PIK3C2G: variants seen among roughly 807,000 people sequenced by gnomAD.
The protein encoded by PIK3C2G is phosphatidylinositol-4-phosphate 3-kinase catalytic subunit type 2 gamma, also known as phosphatidylinositol 3-kinase C2 domain-containing subunit gamma.
PIK3C2G carries 168 observed loss-of-function variants against 181.1 expected under a neutral mutation model. The ratio of observed to expected loss-of-function variants is 0.93; its 90% CI spans 0.82 to 1.05. The LOEUF (loss-of-function observed/expected upper bound fraction) is 1.05, where lower values mean the gene tolerates loss of function less well. PIK3C2G is among the 50% of genes least tolerant of loss of function. PIK3C2G has a pLI of 0.00. For synonymous variants in PIK3C2G, 573 were observed against 592.2 expected (o/e 0.97, Z 0.47); for missense variants, 1,869 against 1,732.8 (o/e 1.08, Z -1.40).
intron 29 of PIK3C2G, among the ~76,000 whole-genome samples, chr12:18,593,740 T>C (rs1947206743): frequency 6.6e-6 from 1 of 151,904 alleles, no homozygotes. Flanking sequence ...TCAGGTTAAA[T>C]GTCAATTTGT....
At chr12:18,299,845 G>A (rs1950103976) in intron 5 of PIK3C2G, among the ~76,000 whole-genome samples, 1 of 151,776 alleles carries the variant, frequency 6.6e-6, no homozygotes, top group Non-Finnish European at 1.5e-5. Flanking sequence ...ATATTGATTT[G>A]CATATGTTGG....
At chr12:18,281,935 C>A in intron 1 of PIK3C2G, 69 bp from the exon 2 acceptor site, 1 of 604,596 alleles carries the variant, frequency 1.7e-6, no homozygotes, top group Non-Finnish European at 3.0e-6. Context: ...GTTATTTATC[C>A]TATATCTGTC....
chr12:18,324,923 C>A, intron 7 of PIK3C2G, 112 bp from the exon 8 acceptor site: 1 of 575,954 alleles, frequency 1.7e-6, no homozygotes, highest in South Asian at 2.5e-5. Context: ...CTTTTTATAC[C>A]ATGCCTACGA....
intron 14 of PIK3C2G, among the ~76,000 whole-genome samples, chr12:18,382,498 T>C (rs1350308800): frequency 2.0e-5 from 3 of 152,200 alleles, no homozygotes; most frequent in African/African-American, 4.8e-5. Context: ...CACAGTCTCA[T>C]ACACGGAAAT....
intron 18 of PIK3C2G, among the ~76,000 whole-genome samples, chr12:18,447,370 T>C (rs573353159): frequency 6.6e-6 from 1 of 152,322 alleles, no homozygotes; most frequent in African/African-American, 2.4e-5. Context: ...GGTTATCTTG[T>C]GACAGAACAC....
chr12:18,333,209 C>G (rs1938162487), intron 8 of PIK3C2G, among the ~76,000 whole-genome samples: 1 of 151,986 alleles, frequency 6.6e-6, no homozygotes, highest in Non-Finnish European at 1.5e-5. Flanking sequence ...CAGCGGGGTT[C>G]AGAAAAAGTT....
intron 9 of PIK3C2G, among the ~76,000 whole-genome samples, chr12:18,339,603 C>A (rs1410079889): frequency 6.6e-6 from 1 of 152,020 alleles, no homozygotes; most frequent in African/African-American, 2.4e-5. Flanking sequence ...TTGAAATTTT[C>A]AAAAGACTGA....
At chr12:18,480,099 G>A (rs921181211) in intron 18 of PIK3C2G, among the ~76,000 whole-genome samples, 1 of 152,116 alleles carries the variant, frequency 6.6e-6, no homozygotes, top group Non-Finnish European at 1.5e-5. Context: ...TGGGGATCAG[G>A]AAAGGAGAAA....
At chr12:18,522,993 G>A (rs1943012783) in intron 24 of PIK3C2G, among the ~76,000 whole-genome samples, 1 of 151,640 alleles carries the variant, frequency 6.6e-6, no homozygotes, top group Admixed American at 6.6e-5. Context: ...TGTGCTCACT[G>A]TTTTTTTCTT....
At chr12:18,520,932 C>A (rs987884238) in intron 24 of PIK3C2G, among the ~76,000 whole-genome samples, 7 of 151,998 alleles carry the variant, frequency 4.6e-5, no homozygotes, top group East Asian at 1.9e-4. Context: ...TTTGTGGGGA[C>A]CTTTTTTGTT....
At chr12:18,705,234 C>G in the PIK3C2G span, 1 of 1,613,946 alleles carries the variant, frequency 6.2e-7, no homozygotes, top group African/African-American at 1.3e-5. Context: ...CCAAAAGTAG[C>G]CTGCAAATTG....
chr12:18,631,398 T>C (rs902064955), intron 31 of PIK3C2G, among the ~76,000 whole-genome samples: 2 of 152,180 alleles, frequency 1.3e-5, no homozygotes, highest in Non-Finnish European at 2.9e-5. Flanking sequence ...CACTAATAAC[T>C]TAGAAATAGA....
chr12:18,294,611 TA>T (rs960496934), intron 5 of PIK3C2G, among the ~76,000 whole-genome samples: 5 of 151,504 alleles, frequency 3.3e-5, no homozygotes, highest in South Asian at 2.1e-4. Context: ...ACTTATTTGA[TA>T]AAAAAAAATC....
chr12:18,643,947 T>C (rs1949981608), intron 32 of PIK3C2G, among the ~76,000 whole-genome samples: 1 of 151,978 alleles, frequency 6.6e-6, no homozygotes, highest in Non-Finnish European at 1.5e-5. Context: ...CTCAGAGGAG[T>C]ACAAAGAAGA....
At chr12:18,546,732 T>G (rs1016263796) in intron 26 of PIK3C2G, among the ~76,000 whole-genome samples, 5 of 152,062 alleles carry the variant, frequency 3.3e-5, no homozygotes, top group Non-Finnish European at 2.9e-5. Flanking sequence ...TTGTTCTACT[T>G]GAACTATGTC....
intron 26 of PIK3C2G, among the ~76,000 whole-genome samples, chr12:18,555,487 C>A (rs1411752980): frequency 3.9e-5 from 6 of 151,980 alleles, no homozygotes; most frequent in Admixed American, 3.9e-4. Context: ...TGCTAAGAAA[C>A]CTGTTAGAAG....
intron 3 of PIK3C2G, among the ~76,000 whole-genome samples, chr12:18,287,187 T>G (rs2137162201): frequency 6.6e-6 from 1 of 152,296 alleles, no homozygotes; most frequent in Admixed American, 6.5e-5. Flanking sequence ...GGACATGCAC[T>G]TGTTTGTTGG....
At position 18,371,292 on chromosome 12, in the gene PIK3C2G, C is replaced by G; in HGVS notation, c.1861C>G (p.Leu621Val). ...NNANLLAWTC[L>V]PLFPKEKSIL... ...TGCAAATTTACTGGCGTGGACTTGT[C>G]TTCCACTGTTTCCAAAAGAGTAAGT... The change falls in exon 13 of 33, where the codon CTT (leucine) becomes GTT (valine). Residue 621 changes from leucine (L) to valine (V), a missense_variant. Physicochemically the swap from Leu to Val is conservative, Grantham distance 32 (BLOSUM62 1). Transcript: ENST00000538779. 7 of 1,609,488 alleles carry G rather than the reference C, an allele frequency of 4.3e-6. No individual in the cohort carries two copies. Among genetic ancestry groups the G allele is most frequent in the Non-Finnish European group, 5.9e-6 (7 of 1,177,866 alleles).
At chr12:18,714,686 G>C in the PIK3C2G span, 3 of 152,230 alleles carry the variant, frequency 2.0e-5, no homozygotes, top group Admixed American at 1.3e-4. Context: ...GTTTTCCACT[G>C]GGACGACTTT....
Sources: allele counts gnomAD v4.1 joint callset (sites outside exome capture counted in the v4.1 genomes callset), GRCh38; gene constraint gnomAD v4.1.1; transcripts MANE v1.5; gene names NCBI Gene and HGNC (gene_info 2026-07-23, HGNC 2026-07-21).